VPS13A: variants seen among roughly 807,000 people sequenced by gnomAD.
VPS13A encodes intermembrane lipid transfer protein VPS13A.
VPS13A carries 264 observed loss-of-function variants against 390.9 expected under a neutral mutation model. The observed-to-expected ratio is 0.68, with a 90% confidence interval of 0.61 to 0.75. The LOEUF is 0.75. VPS13A is among the 30% of genes least tolerant of loss of function. The probability of loss-of-function intolerance (pLI) is 0.00; values close to 1 mark genes in which losing one functional copy is unlikely to be tolerated. For missense variants in VPS13A, 3,409 were observed against 3,733.9 expected (o/e 0.91, Z 2.27); for synonymous variants, 1,231 against 1,227.1 (o/e 1.00, Z -0.07).
chr9:77,392,367 C>T (rs940808141), intron 68 of VPS13A, among the ~76,000 whole-genome samples: 1 of 152,042 alleles, frequency 6.6e-6, no homozygotes, highest in Non-Finnish European at 1.5e-5. Context: ...ATAGCAATAC[C>T]CTGTGCCTAA....
intron 1 of VPS13A, among the ~76,000 whole-genome samples, chr9:77,195,960 G>A (rs191217280): frequency 3.0e-4 from 46 of 151,654 alleles, no homozygotes; most frequent in Non-Finnish European, 5.4e-4. Context: ...TCCTTCTAGC[G>A]CTGCTTTTGC....
chr9:77,257,187 C>T (rs756345075), intron 22 of VPS13A, among the ~76,000 whole-genome samples: 8 of 151,788 alleles, frequency 5.3e-5, no homozygotes, highest in Non-Finnish European at 8.8e-5. Context: ...TTGTGGTTAC[C>T]ATAGAGATTG....
At chr9:77,367,095 G>A (rs1299923262) in intron 61 of VPS13A, among the ~76,000 whole-genome samples, 1 of 152,146 alleles carries the variant, frequency 6.6e-6, no homozygotes, top group African/African-American at 2.4e-5. Flanking sequence ...AAGAAAAAGA[G>A]TCATAGGCCA....
intron 8 of VPS13A, 26 bp downstream of exon 8, chr9:77,213,054 T>G (rs745540043): frequency 1.5e-5 from 24 of 1,612,864 alleles, no homozygotes; most frequent in Non-Finnish European, 1.7e-5. Flanking sequence ...GTTTGTCAAC[T>G]CATGGACTTA....
Position 77,371,033 on chromosome 9 carries a change from A to T in VPS13A, c.8961A>T (p.Gln2987His), listed in dbSNP as rs556301839. 6.2e-7 allele frequency: 1 copy of T among 1,614,186 alleles called. No homozygotes were observed. Among genetic ancestry groups the T allele is most frequent in the African/African-American group, 1.3e-5 (1 of 75,056 alleles). Residue 2987 changes from glutamine (Q) to histidine (H), a missense_variant, in exon 67 of 72, where the codon CAA becomes CAT. Gln to His is a conservative substitution (Grantham distance 24, BLOSUM62 0). Transcript: ENST00000360280. ...GIVTKPIKGA[Q>H]KGGAAGFFKG... ...ACTCTTTTTTCTTTCCAGGAGCTCA[A>T]AAAGGAGGAGCAGCTGGTTTCTTTA...
chr9:77,379,601 T>G (rs905440760), intron 67 of VPS13A, among the ~76,000 whole-genome samples: 5 of 151,842 alleles, frequency 3.3e-5, no homozygotes, highest in Middle Eastern at 3.4e-3. Flanking sequence ...CTTGAACTCC[T>G]GACCTCAAGT....
chr9:77,303,141 G>A (rs1436561260), intron 34 of VPS13A, 79 bp downstream of exon 34: 1 of 1,477,176 alleles, frequency 6.8e-7, no homozygotes, highest in Non-Finnish European at 9.4e-7. Flanking sequence ...CATCATTTGA[G>A]TGGAATTTGT....
rs192616113 is a variant in VPS13A at position 77,287,544 on chromosome 9, G to A, written c.3339+3894G>A. On this transcript the variant is annotated intron_variant, in intron 31 of 71. Coordinates refer to ENST00000360280, the MANE Select transcript of VPS13A (RefSeq NM_033305.3). ...CAAAAGATAAAAAGCCCTTCTCCAC[G>A]TGGAATAAATAGTAGTTAATCAGTA... Among the ~76,000 whole-genome samples, 3 of 152,262 alleles carry A rather than the reference G, an allele frequency of 2.0e-5. No homozygotes were observed. The East Asian group carries it at 5.8e-4, about 29-fold the overall frequency.
chr9:77,363,653 A>G (rs777148596), intron 59 of VPS13A, among the ~76,000 whole-genome samples: 5 of 151,838 alleles, frequency 3.3e-5, no homozygotes, highest in African/African-American at 9.7e-5. Flanking sequence ...GAAAACTCCT[A>G]TTTGTCACTT....
intron 68 of VPS13A, among the ~76,000 whole-genome samples, chr9:77,394,735 A>C (rs1166507403): frequency 1.3e-5 from 2 of 152,194 alleles, no homozygotes; most frequent in African/African-American, 4.8e-5. Flanking sequence ...TCTTAGCTAG[A>C]TCTTCTGGCT....
At chr9:77,322,310 C>G (rs896442169) in intron 44 of VPS13A, among the ~76,000 whole-genome samples, 1 of 151,252 alleles carries the variant, frequency 6.6e-6, no homozygotes, top group African/African-American at 2.4e-5. Context: ...CTTAAAGTAT[C>G]ATAATATGTA....
chr9:77,356,414 A>G (rs545099186), intron 54 of VPS13A, among the ~76,000 whole-genome samples: 1 of 152,246 alleles, frequency 6.6e-6, no homozygotes, highest in South Asian at 2.1e-4. Flanking sequence ...CACCTCCTAC[A>G]TATTAAATTT....
At position 77,260,143 on chromosome 9, in the gene VPS13A, A is replaced by T; in HGVS notation, c.2346A>T (p.Leu782=). 1 of 1,598,150 alleles carries T rather than the reference A, an allele frequency of 6.3e-7. No individual in the cohort carries two copies. Among genetic ancestry groups the T allele is most frequent in the Non-Finnish European group, 8.6e-7 (1 of 1,166,154 alleles). The change falls in exon 23 of 72, where the codon CTA becomes CTT. Residue 782 remains leucine, a synonymous_variant. Transcript: ENST00000360280. ...CTTTACGAATCTCAGATAAAAAACT[A>T]CAAGGGATTATGGAATTGATTGAAA... ...LISLRISDKK[L]QGIMELIESI... is the part of the protein sequence containing the mutation.
chr9:77,275,803 GCCC>G, intron 25 of VPS13A, 151 bp downstream of exon 25: 1 of 913,202 alleles, frequency 1.1e-6, no homozygotes. Flanking sequence ...GTCACTCCCC[GCCC>G]CCCCCTTTTT....
chr9:77,324,838 A>G (rs1023770642), intron 45 of VPS13A, among the ~76,000 whole-genome samples: 2 of 151,560 alleles, frequency 1.3e-5, no homozygotes, highest in Non-Finnish European at 2.9e-5. Flanking sequence ...CACCACACCT[A>G]TTCTCCCATC....
chr9:77,306,889 A>G (rs1235760497), intron 34 of VPS13A, among the ~76,000 whole-genome samples: 1 of 151,478 alleles, frequency 6.6e-6, no homozygotes, highest in African/African-American at 2.4e-5. Context: ...TGTAACAGCT[A>G]GGATTTGAAA....
At position 77,367,077 on chromosome 9, in the gene VPS13A, A is replaced by G. The variant is rs553378233; in HGVS notation, c.8471+205A>G. On this transcript the variant is annotated intron_variant, in intron 61 of 71. Coordinates refer to ENST00000360280, the MANE Select transcript of VPS13A (RefSeq NM_033305.3). The stretch of plus-strand genomic sequence containing the variant: ...TGCTAAATTACAGAATTATTAAACA[A>G]TTTCCTTAAGAAAAAGAGTCATAGG... 3.3e-5 allele frequency among the ~76,000 whole-genome samples: 5 copies of G among 152,328 alleles called. No homozygotes were observed. The South Asian group carries it at 1.0e-3, about 32-fold the overall frequency.
intron 36 of VPS13A, 43 bp from the exon 37 acceptor site, chr9:77,314,452 C>A (rs745339350): frequency 3.2e-6 from 5 of 1,569,066 alleles, no homozygotes; most frequent in Admixed American, 1.7e-5. Flanking sequence ...ACACTTTAGA[C>A]TTGTGTTTCT....
chr9:77,384,299 G>C (rs1833587678), intron 68 of VPS13A, among the ~76,000 whole-genome samples: 1 of 151,652 alleles, frequency 6.6e-6, no homozygotes, highest in African/African-American at 2.4e-5. Context: ...GCTGGTCAAA[G>C]TTGCCTATTA....
Sources: gnomAD v4.1 joint callset for allele counts (sites outside exome capture counted in the v4.1 genomes callset) on GRCh38, gnomAD v4.1.1 for gene constraint, MANE v1.5 for transcripts, NCBI Gene and HGNC (gene_info 2026-07-23, HGNC 2026-07-21) for gene names.